The following SP4 variants were observed in gnomAD, a reference collection of about 807,000 sequenced individuals.
SP4 encodes transcription factor Sp4.
Under a neutral mutation model 72.8 loss-of-function variants are expected in SP4, and 19 were observed. The observed-to-expected ratio is 0.26, with a 90% confidence interval of 0.18 to 0.38. The LOEUF is 0.38. Ranked by LOEUF, SP4 falls within the 10% of genes least tolerant of loss-of-function variation. The pLI is 1.00. For synonymous variants in SP4, 395 were observed against 333.1 expected (o/e 1.19, Z -2.02); for missense variants, 1,008 against 926.3 (o/e 1.09, Z -1.14).
intron 3 of SP4, among the ~76,000 whole-genome samples, chr7:21,436,052 C>T (rs1392248790): frequency 2.6e-5 from 4 of 152,082 alleles, no homozygotes; most frequent in Admixed American, 6.5e-5. Context: ...GCACATGTCA[C>T]CACGCCTGGC....
intron 3 of SP4, among the ~76,000 whole-genome samples, chr7:21,459,972 A>G (rs1783902537): frequency 6.6e-6 from 1 of 152,222 alleles, no homozygotes; most frequent in South Asian, 2.1e-4. Flanking sequence ...GGCATATGCT[A>G]AAAGAGAGAT....
intron 3 of SP4, among the ~76,000 whole-genome samples, chr7:21,461,640 C>T (rs779468669): frequency 2.0e-5 from 3 of 152,164 alleles, no homozygotes; most frequent in African/African-American, 2.4e-5. Context: ...CACACCTCCC[C>T]GCAAGCCGAG....
chr7:21,498,849 G>A (rs1384803713), intron 5 of SP4, among the ~76,000 whole-genome samples: 2 of 152,114 alleles, frequency 1.3e-5, no homozygotes, highest in Non-Finnish European at 2.9e-5. Flanking sequence ...ACTATGGGAG[G>A]CCGAGGCAGG....
In SP4 at chr7:21,485,659, A is replaced by T. The variant is rs1476856064; in HGVS notation, c.2107+3536A>T. 2.0e-5 allele frequency among the ~76,000 whole-genome samples: 3 copies of T among 152,036 alleles called. 1 individual carries two copies. Among genetic ancestry groups the T allele is most frequent in the Non-Finnish European group, 2.9e-5 (2 of 67,868 alleles). On this transcript the variant is annotated intron_variant, in intron 5 of 5. Transcript: ENST00000222584. ...AAGATTCTTTTGAAAAACTGTATGC[A>T]GGCCAGGCATTCTCTCTTAACTCAC...
At position 21,429,521 on chromosome 7, in the gene SP4, A is replaced by G. The variant is rs770621118; in HGVS notation, c.356A>G (p.Gln119Arg). Residue 119 changes from glutamine to arginine, a missense_variant, in exon 3 of 6, where the codon CAA becomes CGA. By Grantham distance (43) the Gln-to-Arg change is conservative (BLOSUM62 1). Around this residue, in one of 3 missense-constraint regions of SP4, gnomAD observed 893 missense variants for 743.3 expected, o/e 1.20. Coordinates refer to ENST00000222584, the MANE Select transcript of SP4 (RefSeq NM_003112.5). ...GCTTCAAAAGAGAATAACGTTTCTC[A>G]ACCAGCCTCTAGTTCGTCTAGTTCT... ...PPASKENNVS[Q>R]PASSSSSSSS... 2.5e-6 allele frequency: 4 copies of G among 1,614,106 alleles called. No homozygotes were observed. The highest frequency in any genetic ancestry group is 3.4e-6 in the Non-Finnish European group (4 of 1,180,040).
At chr7:21,501,094 G>A (rs1042514174) in intron 5 of SP4, among the ~76,000 whole-genome samples, 10 of 152,026 alleles carry the variant, frequency 6.6e-5, no homozygotes, top group South Asian at 4.2e-4. Context: ...CAATCTTCCC[G>A]GACATCATCC....
chr7:21,472,719 C>T (rs2128407697), intron 3 of SP4, among the ~76,000 whole-genome samples: 1 of 151,426 alleles, frequency 6.6e-6, no homozygotes, highest in Non-Finnish European at 1.5e-5. Flanking sequence ...AGGAGAATTG[C>T]TTGAGCCCTG....
intron 5 of SP4, among the ~76,000 whole-genome samples, chr7:21,485,716 T>G (rs1316684445): frequency 6.6e-6 from 1 of 152,032 alleles, no homozygotes; most frequent in Non-Finnish European, 1.5e-5. Flanking sequence ...AGACAATGCC[T>G]TTTCTTTTTT....
chr7:21,456,919 G>C (rs1166430720), intron 3 of SP4, among the ~76,000 whole-genome samples: 1 of 152,176 alleles, frequency 6.6e-6, no homozygotes, highest in Non-Finnish European at 1.5e-5. Context: ...AGTGGAGGGG[G>C]AGCAGAGCCA....
At chr7:21,428,887 T>C (rs1782726530) in intron 2 of SP4, 95 bp downstream of exon 2, 1 of 966,318 alleles carries the variant, frequency 1.0e-6, no homozygotes, top group Non-Finnish European at 1.5e-6. Flanking sequence ...GAATAAAATG[T>C]TTATCCACTC....
intron 5 of SP4, among the ~76,000 whole-genome samples, chr7:21,487,900 C>T (rs563362853): frequency 1.8e-4 from 28 of 152,004 alleles, no homozygotes; most frequent in Admixed American, 6.6e-4. Flanking sequence ...CTCTGTCTGT[C>T]ACCAGGCTGG....
intron 5 of SP4, among the ~76,000 whole-genome samples, chr7:21,506,923 C>G (rs1782013407): frequency 6.6e-6 from 1 of 152,164 alleles, no homozygotes; most frequent in South Asian, 2.1e-4. Flanking sequence ...GGAGATCCTA[C>G]ATTTGGGCGC....
rs76616764 is a variant in SP4 at position 21,479,990 on chromosome 7, G to T, written c.1908-1934G>T. On this transcript the variant is annotated intron_variant, in intron 4 of 5. Coordinates refer to ENST00000222584, the MANE Select transcript of SP4 (RefSeq NM_003112.5). ...TTTGATTAGTTATAACAGTTTTTTT[G>T]TTTGTTTGTTTGTTTGTTTGTTTAG... 3.0e-4 allele frequency among the ~76,000 whole-genome samples: 4 copies of T among 13,348 alleles called. No homozygotes were observed. The African/African-American group carries it at 5.5e-3, about 18-fold the overall frequency. The allele number at this position is 13,348 out of a possible 152,430, so 8.8% of individuals were successfully genotyped here.
At chr7:21,509,407 G>A (rs549995476) in intron 5 of SP4, among the ~76,000 whole-genome samples, 2 of 150,840 alleles carry the variant, frequency 1.3e-5, no homozygotes, top group Non-Finnish European at 3.0e-5. Context: ...CTCTTTTATA[G>A]TTTCTAAATA....
intron 3 of SP4, among the ~76,000 whole-genome samples, chr7:21,436,179 A>G (rs1783045251): frequency 1.3e-5 from 2 of 152,144 alleles, no homozygotes; most frequent in Non-Finnish European, 1.5e-5. Context: ...GATTACAGGC[A>G]TGAGGCACTG....
intron 3 of SP4, among the ~76,000 whole-genome samples, chr7:21,450,389 C>T (rs114698444): frequency 0.033 from 5,053 of 151,856 alleles, 266 homozygotes; most frequent in African/African-American, 0.12. Flanking sequence ...TTTTGGTGGG[C>T]ATAGTAATAT....
chr7:21,486,778 C>A (rs1307844041), intron 5 of SP4, among the ~76,000 whole-genome samples: 1 of 152,154 alleles, frequency 6.6e-6, no homozygotes, highest in Non-Finnish European at 1.5e-5. Context: ...TTGTTAGAAG[C>A]AAGTCACTAA....
chr7:21,460,184 C>T (rs568555304), intron 3 of SP4, among the ~76,000 whole-genome samples: 35 of 152,286 alleles, frequency 2.3e-4, no homozygotes, highest in Admixed American at 6.5e-4. Context: ...TCAATGACTT[C>T]CAAGAATGAA....
chr7:21,462,711 A>G (rs1187002517), intron 3 of SP4, among the ~76,000 whole-genome samples: 1 of 152,230 alleles, frequency 6.6e-6, no homozygotes, highest in East Asian at 1.9e-4. Flanking sequence ...AATTATGAGA[A>G]CTGAACTTAG....
Sources: gnomAD v4.1 joint callset for allele counts (sites outside exome capture counted in the v4.1 genomes callset) on GRCh38, gnomAD v4.1.1 for gene constraint, gnomAD v4.1.1 regional missense constraint, MANE v1.5 for transcripts, NCBI Gene and HGNC (gene_info 2026-07-23, HGNC 2026-07-21) for gene names.